The following NEGR1 variants were observed in gnomAD, a reference collection of about 807,000 sequenced individuals.
NEGR1 encodes IgLON family member 4.
Under a neutral mutation model 40.9 loss-of-function variants are expected in NEGR1, and 10 were observed. That is an observed-to-expected ratio of 0.24 (90% CI 0.15 to 0.42). NEGR1 has a LOEUF of 0.42. Among genes scored for constraint, NEGR1 ranks in the 10% least tolerant of loss-of-function variants. The pLI, the probability that NEGR1 is intolerant of heterozygous loss-of-function variation, is 1.00. For missense variants in NEGR1, 352 were observed against 438.9 expected (o/e 0.80, Z 1.77); for synonymous variants, 185 against 166.8 (o/e 1.11, Z -0.84).
At chr1:71,505,676 G>A (rs1647028103) in intron 6 of NEGR1, among the ~76,000 whole-genome samples, 1 of 152,138 alleles carries the variant, frequency 6.6e-6, no homozygotes, top group Non-Finnish European at 1.5e-5. Context: ...TCTACTTTAG[G>A]ACTAGGGACC....
At chr1:71,441,555 A>G (rs1646547215) in intron 6 of NEGR1, among the ~76,000 whole-genome samples, 1 of 152,216 alleles carries the variant, frequency 6.6e-6, no homozygotes. Flanking sequence ...AGTCTTATAG[A>G]CAACAGTAAT....
intron 4 of NEGR1, among the ~76,000 whole-genome samples, chr1:71,662,073 C>G (rs1652075411): frequency 6.6e-6 from 1 of 152,178 alleles, no homozygotes; most frequent in Non-Finnish European, 1.5e-5. Context: ...TTATGGGAAG[C>G]AGTATCATCT....
At chr1:72,115,598 G>T (rs1649550993) in intron 1 of NEGR1, among the ~76,000 whole-genome samples, 1 of 151,678 alleles carries the variant, frequency 6.6e-6, no homozygotes, top group Non-Finnish European at 1.5e-5. Flanking sequence ...TGACAAAAGA[G>T]TCTGAAATGG....
chr1:71,912,807 T>C (rs1570493797), intron 2 of NEGR1, among the ~76,000 whole-genome samples: 1 of 91,858 alleles, frequency 1.1e-5, no homozygotes, highest in South Asian at 4.5e-4. Context: ...TGTATGTACA[T>C]GTGTGTGTAT....
chr1:72,218,482 G>C (rs546690783), intron 1 of NEGR1, among the ~76,000 whole-genome samples: 28 of 151,966 alleles, frequency 1.8e-4, no homozygotes, highest in Admixed American at 3.9e-4. Context: ...TTTCTACACC[G>C]TACTATTTTA....
chr1:71,946,748 AAAAT>A (rs148184611), intron 1 of NEGR1, among the ~76,000 whole-genome samples: 5,540 of 152,136 alleles, frequency 0.036, 337 homozygotes, highest in African/African-American at 0.13. Context: ...AAAATATTCA[AAAAT>A]AAAATAACTT....
chr1:72,187,649 A>G (rs1652660148), intron 1 of NEGR1, among the ~76,000 whole-genome samples: 1 of 121,640 alleles, frequency 8.2e-6, no homozygotes. Flanking sequence ...CCATGTTGAA[A>G]CAGACAATCC....
At chr1:72,159,113 T>C (rs1651463424) in intron 1 of NEGR1, among the ~76,000 whole-genome samples, 1 of 152,210 alleles carries the variant, frequency 6.6e-6, no homozygotes. Context: ...CATTTTCTTC[T>C]GTGCTTGTAG....
chr1:72,195,690 A>G (rs1570107252), intron 1 of NEGR1, among the ~76,000 whole-genome samples: 1 of 151,298 alleles, frequency 6.6e-6, no homozygotes, highest in South Asian at 2.1e-4. Context: ...TTATTACTCT[A>G]TATCATATCC....
At chr1:72,199,297 A>G (rs1653117703) in intron 1 of NEGR1, among the ~76,000 whole-genome samples, 1 of 152,034 alleles carries the variant, frequency 6.6e-6, no homozygotes, top group African/African-American at 2.4e-5. Flanking sequence ...TGTGCCAGGT[A>G]CTATTTATAT....
chr1:71,859,417 C>T (rs542203028), intron 2 of NEGR1, among the ~76,000 whole-genome samples: 1 of 152,178 alleles, frequency 6.6e-6, no homozygotes, highest in Admixed American at 6.6e-5. Flanking sequence ...CATCCTATTC[C>T]TCTTCCACTT....
chr1:71,595,351 A>T (rs1174199840), intron 5 of NEGR1, among the ~76,000 whole-genome samples: 1 of 152,196 alleles, frequency 6.6e-6, no homozygotes, highest in African/African-American at 2.4e-5. Flanking sequence ...TTACTAGAGA[A>T]ATCTAAAGCT....
At chr1:72,108,679 G>A (rs959479816) in intron 1 of NEGR1, among the ~76,000 whole-genome samples, 7 of 151,400 alleles carry the variant, frequency 4.6e-5, no homozygotes, top group African/African-American at 1.2e-4. Context: ...CATAATTTAC[G>A]GGAGATTATA....
Position 72,038,120 on chromosome 1 carries a change from T to C in NEGR1, c.177-102809A>G, listed in dbSNP as rs552629102. ...GCTTAAAAGGTTTAAAGCCTAAATC[T>C]AACCAAAGATGTTAGCCACTACGTT... On this transcript the variant is annotated intron_variant, in intron 1 of 6. Transcript: ENST00000357731. Among the ~76,000 whole-genome samples the C allele has an allele frequency of 2.4e-4, 36 of 152,226 alleles. 1 individual carries two copies. In the East Asian group the frequency reaches 7.0e-3, roughly 29 times the overall value.
At chr1:71,529,581 A>C (rs1647294958) in intron 6 of NEGR1, among the ~76,000 whole-genome samples, 1 of 151,228 alleles carries the variant, frequency 6.6e-6, no homozygotes, top group Admixed American at 6.6e-5. Context: ...ATTAAAATAC[A>C]CTTCGAAGAT....
At chr1:72,072,985 T>C (rs565452644) in intron 1 of NEGR1, among the ~76,000 whole-genome samples, 7 of 152,184 alleles carry the variant, frequency 4.6e-5, no homozygotes, top group Non-Finnish European at 8.8e-5. Context: ...TCTGTTCCCT[T>C]AGACACAGAC....
At chr1:71,750,459 A>T (rs1655535074) in intron 3 of NEGR1, among the ~76,000 whole-genome samples, 1 of 152,190 alleles carries the variant, frequency 6.6e-6, no homozygotes, top group African/African-American at 2.4e-5. Context: ...GAGACATATA[A>T]AGAAAAGAGG....
chr1:71,616,042 A>T (rs1226920128), intron 4 of NEGR1, among the ~76,000 whole-genome samples: 1 of 152,162 alleles, frequency 6.6e-6, no homozygotes, highest in African/African-American at 2.4e-5. Flanking sequence ...GAACCCTATT[A>T]CTCTGTATAA....
chr1:71,754,140 AG>A lies in NEGR1; in HGVS notation c.535+22031del, dbSNP rs912565183. 1.2e-4 allele frequency among the ~76,000 whole-genome samples: 19 copies of A among 152,186 alleles called. 1 individual carries two copies. The highest frequency in any genetic ancestry group is 4.3e-4 in the African/African-American group (18 of 41,450). On this transcript the variant is annotated intron_variant, in intron 3 of 6. Transcript: ENST00000357731. ...GAACTTTGTGTTCCTCAGAAGTGACAGGAAAGGCTCCAGTAGCAGAGCTGAG... is the reference window on the plus strand; with the variant it reads ...GAACTTTGTGTTCCTCAGAAGTGACAGAAAGGCTCCAGTAGCAGAGCTGAG...
Sources: allele counts gnomAD v4.1 joint callset (sites outside exome capture counted in the v4.1 genomes callset), GRCh38; gene constraint gnomAD v4.1.1; transcripts MANE v1.5; gene names NCBI Gene and HGNC (gene_info 2026-07-23, HGNC 2026-07-21).